The following LRP1B variants were observed in gnomAD, a reference collection of about 807,000 sequenced individuals.
The protein encoded by LRP1B is LDL receptor related protein 1B.
In LRP1B, 217 loss-of-function variants were observed where a neutral mutation model predicts 556.6. The observed-to-expected ratio is 0.39, with a 90% CI of 0.35 to 0.44. The LOEUF (loss-of-function observed/expected upper bound fraction) is 0.44. LRP1B is among the 20% of genes least tolerant of loss of function. The probability of loss-of-function intolerance (pLI) is 1.00; values close to 1 mark genes in which losing one functional copy is unlikely to be tolerated. For missense variants in LRP1B, 5,053 were observed against 5,620.8 expected, an observed-to-expected ratio of 0.90 and a Z score of 3.23; for synonymous variants, 2,047 against 1,865.8, an observed-to-expected ratio of 1.10 and a Z score of -2.50.
chr2:140,309,294 A>G (rs1422768283), intron 83 of LRP1B, among the ~76,000 whole-genome samples: 2 of 151,842 alleles, frequency 1.3e-5, no homozygotes, highest in East Asian at 3.9e-4. Flanking sequence ...ATATATTCTG[A>G]TATGCTTCAA....
intron 1 of LRP1B, among the ~76,000 whole-genome samples, chr2:141,908,838 G>A (rs1699829292): frequency 6.6e-6 from 1 of 152,162 alleles, no homozygotes; most frequent in African/African-American, 2.4e-5. Flanking sequence ...CTACCAGGTA[G>A]CAGGCTATGT....
chr2:140,261,483 T>C (rs1458900171), intron 86 of LRP1B, among the ~76,000 whole-genome samples: 1 of 151,848 alleles, frequency 6.6e-6, no homozygotes, highest in Non-Finnish European at 1.5e-5. Flanking sequence ...GGCATTTATG[T>C]AAATTTACAG....
chr2:141,787,247 C>T (rs1695457031), intron 2 of LRP1B, among the ~76,000 whole-genome samples: 1 of 151,844 alleles, frequency 6.6e-6, no homozygotes, highest in South Asian at 2.1e-4. Context: ...GAAGTTCAAT[C>T]AAGAGAAAAG....
intron 41 of LRP1B, among the ~76,000 whole-genome samples, chr2:140,614,522 T>C (rs536139319): frequency 6.6e-6 from 1 of 152,270 alleles, no homozygotes; most frequent in South Asian, 2.1e-4. Context: ...GAATATCTAT[T>C]CTAAACAAAT....
intron 3 of LRP1B, among the ~76,000 whole-genome samples, chr2:141,442,673 C>T (rs137985802): frequency 0.041 from 6,285 of 151,920 alleles, 185 homozygotes; most frequent in Non-Finnish European, 0.059. Flanking sequence ...AGTGAGAACA[C>T]GCGGTGTTTG....
intron 15 of LRP1B, 27 bp from the exon 16 acceptor site, chr2:140,994,162 T>C: frequency 1.9e-6 from 3 of 1,600,734 alleles, no homozygotes; most frequent in Non-Finnish European, 2.6e-6. Flanking sequence ...CCAAGGTATA[T>C]GAATAATGCT....
chr2:140,363,127 T>C (rs1206989158), intron 72 of LRP1B, among the ~76,000 whole-genome samples: 1 of 151,676 alleles, frequency 6.6e-6, no homozygotes, highest in Non-Finnish European at 1.5e-5. Flanking sequence ...AATTCTATCA[T>C]TGCTGGAAAT....
intron 86 of LRP1B, 36 bp from the exon 87 acceptor site, chr2:140,247,198 C>T (rs370662495): frequency 3.4e-5 from 50 of 1,469,524 alleles, no homozygotes; most frequent in African/African-American, 1.7e-4. Flanking sequence ...AACAGATCAG[C>T]GAATAACAAA....
Position 141,291,868 on chromosome 2 carries a change from A to AC in LRP1B, c.344-37228_344-37227insG, listed in dbSNP as rs1471313662. Reference sequence around the variant, plus strand: ...GAGACTCTGTCTCAAAAAAAAAAAAAAAAAAAAAAAAAAAAAAAAAAACTT... The same window carrying AC: ...GAGACTCTGTCTCAAAAAAAAAAAAACAAAAAAAAAAAAAAAAAAAAAACTT... On this transcript the variant is annotated intron_variant, in intron 3 of 90. Coordinates refer to ENST00000389484, the MANE Select transcript of LRP1B (RefSeq NM_018557.3). 5.3e-5 allele frequency among the ~76,000 whole-genome samples: 2 copies of AC among 37,780 alleles called. 1 individual carries two copies. The highest frequency in any genetic ancestry group is 1.3e-4 in the African/African-American group (2 of 14,962). The allele number at this position is 37,780 out of a possible 152,430, so 24.8% of individuals were successfully genotyped here.
At chr2:141,660,919 G>T (rs761299019) in intron 2 of LRP1B, among the ~76,000 whole-genome samples, 3 of 152,046 alleles carry the variant, frequency 2.0e-5, no homozygotes, top group Non-Finnish European at 4.4e-5. Context: ...TGTTCCCATC[G>T]GCATCAGGTC....
intron 6 of LRP1B, among the ~76,000 whole-genome samples, chr2:141,206,686 C>T (rs972688043): frequency 6.6e-6 from 1 of 152,172 alleles, no homozygotes; most frequent in Admixed American, 6.5e-5. Flanking sequence ...ATTCCATCCT[C>T]TGTCCATTTG....
intron 2 of LRP1B, among the ~76,000 whole-genome samples, chr2:141,630,627 T>C (rs1192970900): frequency 6.6e-6 from 1 of 152,234 alleles, no homozygotes; most frequent in Middle Eastern, 3.2e-3. Flanking sequence ...AGATGGTCCC[T>C]GACTTTCGAT....
intron 1 of LRP1B, among the ~76,000 whole-genome samples, chr2:142,010,382 G>A (rs1022236525): frequency 2.6e-5 from 4 of 151,446 alleles, no homozygotes; most frequent in Non-Finnish European, 4.4e-5. Context: ...GTGAAACCCC[G>A]TCTCTACTAA....
At chr2:141,254,354 T>C (rs1295957114) in intron 4 of LRP1B, among the ~76,000 whole-genome samples, 168 bp downstream of exon 4, 1 of 152,134 alleles carries the variant, frequency 6.6e-6, no homozygotes, top group Non-Finnish European at 1.5e-5. Context: ...GTCATAAACT[T>C]ATAATAATGT....
intron 26 of LRP1B, 49 bp downstream of exon 26, chr2:140,868,050 T>C (rs2105155568): frequency 6.5e-7 from 1 of 1,533,836 alleles, no homozygotes. Flanking sequence ...ATGTTGTAAA[T>C]ATTATCTAAG....
chr2:140,700,619 T>C lies in LRP1B; in HGVS notation c.6430A>G (p.Thr2144Ala). 1 of 1,613,300 alleles carries C rather than the reference T, an allele frequency of 6.2e-7. No homozygotes were observed. The highest frequency in any genetic ancestry group is 8.5e-7 in the Non-Finnish European group (1 of 1,179,478). ...CCATTGTCCCTGGCACAAACATTGG[T>C]CCCTAATGAAGAAAAATGATACACA... ...KIFNRVREKGTNVCARDNGGC... is the reference protein window; with the variant it reads ...KIFNRVREKGANVCARDNGGC... Residue 2144 changes from threonine (T) to alanine (A), a missense_variant and splice_region_variant, in exon 41 of 91, where the codon ACC becomes GCC. Physicochemically the swap from Thr to Ala is moderately conservative, Grantham distance 58. Transcript: ENST00000389484.
chr2:141,923,758 C>A (rs1482855574), intron 1 of LRP1B, among the ~76,000 whole-genome samples: 1 of 151,652 alleles, frequency 6.6e-6, no homozygotes, highest in East Asian at 2.0e-4. Context: ...GTTGCTCAAG[C>A]TAAGTGAAAA....
intron 7 of LRP1B, among the ~76,000 whole-genome samples, chr2:141,140,601 A>G (rs1701625531): frequency 6.6e-6 from 1 of 152,126 alleles, no homozygotes; most frequent in African/African-American, 2.4e-5. Flanking sequence ...CACAGAGAAA[A>G]GGCTATGTGA....
intron 2 of LRP1B, among the ~76,000 whole-genome samples, chr2:141,659,339 C>T (rs969273497): frequency 1.3e-5 from 2 of 152,018 alleles, no homozygotes; most frequent in Non-Finnish European, 2.9e-5. Flanking sequence ...TGAAAACAGC[C>T]ACAGAAAATA....
Sources: allele counts gnomAD v4.1 joint callset (sites outside exome capture counted in the v4.1 genomes callset), GRCh38; gene constraint gnomAD v4.1.1; transcripts MANE v1.5; gene names NCBI Gene and HGNC (gene_info 2026-07-23, HGNC 2026-07-21).